DGKB: variants seen among roughly 807,000 people sequenced by gnomAD.
DGKB encodes diacylglycerol kinase beta.
Under a neutral mutation model 114.3 loss-of-function variants are expected in DGKB, and 67 were observed. The ratio of observed to expected loss-of-function variants is 0.59; its 90% CI spans 0.48 to 0.72. DGKB has a LOEUF of 0.72. Ranked by LOEUF, DGKB falls within the 30% of genes least tolerant of loss-of-function variation. The probability of loss-of-function intolerance (pLI) is 0.00; values close to 1 mark genes in which losing one functional copy is unlikely to be tolerated. For synonymous variants in DGKB, 398 were observed against 323.1 expected (o/e 1.23, Z -2.49); for missense variants, 907 against 975.2 (o/e 0.93, Z 0.93).
chr7:14,664,406 G>A (rs911688779), intron 13 of DGKB, among the ~76,000 whole-genome samples: 1 of 151,852 alleles, frequency 6.6e-6, no homozygotes, highest in Non-Finnish European at 1.5e-5. Flanking sequence ...ACACCACACT[G>A]CTAGCAAAGC....
chr7:14,443,839 C>A (rs1235190599), intron 21 of DGKB, among the ~76,000 whole-genome samples: 1 of 151,980 alleles, frequency 6.6e-6, no homozygotes, highest in African/African-American at 2.4e-5. Flanking sequence ...TTTGTAAATT[C>A]AGCAACATTT....
intron 1 of DGKB, among the ~76,000 whole-genome samples, chr7:14,852,006 T>C (rs1160641515): frequency 6.6e-6 from 1 of 152,174 alleles, no homozygotes; most frequent in Non-Finnish European, 1.5e-5. Flanking sequence ...CTATGCCCAT[T>C]CTGAATTCCT....
chr7:14,480,480 A>T (rs1584273534), intron 20 of DGKB, among the ~76,000 whole-genome samples: 1 of 152,010 alleles, frequency 6.6e-6, no homozygotes, highest in Non-Finnish European at 1.5e-5. Flanking sequence ...CTTTGGCATA[A>T]CCCCAAAGGG....
chr7:14,914,691 T>C (rs1784152970), intron 1 of DGKB, among the ~76,000 whole-genome samples: 1 of 152,082 alleles, frequency 6.6e-6, no homozygotes, highest in Admixed American at 6.5e-5. Flanking sequence ...GACACAGATT[T>C]TTAAAATTAT....
chr7:14,162,829 A>C (rs755738709), intron 25 of DGKB, among the ~76,000 whole-genome samples: 1 of 152,188 alleles, frequency 6.6e-6, no homozygotes, highest in African/African-American at 2.4e-5. Flanking sequence ...TACAAAAAGC[A>C]ATCATATCTA....
At chr7:14,600,158 G>A (rs1350544018) in intron 17 of DGKB, among the ~76,000 whole-genome samples, 1 of 152,124 alleles carries the variant, frequency 6.6e-6, no homozygotes, top group Non-Finnish European at 1.5e-5. Context: ...ACTCATGGCA[G>A]AGGGATGAAT....
intron 1 of DGKB, among the ~76,000 whole-genome samples, chr7:14,873,931 C>A (rs1464921434): frequency 6.6e-6 from 1 of 152,096 alleles, no homozygotes; most frequent in African/African-American, 2.4e-5. Context: ...TATGGAATAA[C>A]AATCTTATTA....
intron 23 of DGKB, among the ~76,000 whole-genome samples, chr7:14,196,117 G>A (rs1179250267): frequency 1.3e-5 from 2 of 152,068 alleles, no homozygotes; most frequent in Non-Finnish European, 1.5e-5. Flanking sequence ...CTGCACAACA[G>A]GAATGTCATA....
At position 14,214,912 on chromosome 7, in the gene DGKB, C is replaced by T. The variant is rs1788709488; in HGVS notation, c.2123-36761G>A. ...TAGAGTCAGAGTCACACAGTACTGTCCTGACTTCCATTCGCTCCTCCCTCC... is the reference window on the plus strand; with the variant it reads ...TAGAGTCAGAGTCACACAGTACTGTTCTGACTTCCATTCGCTCCTCCCTCC... On this transcript the variant is annotated intron_variant, in intron 23 of 25. Coordinates refer to ENST00000402815, the MANE Select transcript of DGKB (RefSeq NM_001350709.2). Among the ~76,000 whole-genome samples, 3 of 152,136 alleles carry T rather than the reference C, an allele frequency of 2.0e-5. No homozygotes were observed. The South Asian group carries it at 6.2e-4, about 31-fold the overall frequency.
intron 21 of DGKB, among the ~76,000 whole-genome samples, chr7:14,446,612 T>G (rs1584002362): frequency 6.6e-6 from 1 of 152,174 alleles, no homozygotes; most frequent in African/African-American, 2.4e-5. Flanking sequence ...AAACTCAACT[T>G]TATAAGCCAT....
intron 1 of DGKB, among the ~76,000 whole-genome samples, chr7:14,918,895 C>G (rs1784370740): frequency 1.3e-5 from 2 of 151,956 alleles, no homozygotes; most frequent in African/African-American, 4.8e-5. Flanking sequence ...AACCCCGCCT[C>G]TACTAAAAAT....
At chr7:14,771,688 A>G (rs911617524) in intron 2 of DGKB, among the ~76,000 whole-genome samples, 2 of 152,124 alleles carry the variant, frequency 1.3e-5, no homozygotes, top group African/African-American at 4.8e-5. Context: ...GGAAAAAATC[A>G]AAATATATTT....
At chr7:14,252,490 A>G (rs1046367776) in intron 23 of DGKB, among the ~76,000 whole-genome samples, 1 of 152,176 alleles carries the variant, frequency 6.6e-6, no homozygotes, top group South Asian at 2.1e-4. Context: ...AAGTCAGCCT[A>G]TCCAGAGATT....
At position 14,910,242 on chromosome 7, in the gene DGKB, A is replaced by AAAAGAAAGAAAG. The variant is rs61063816; in HGVS notation, c.-188+64442_-188+64453dup. Among the ~76,000 whole-genome samples, 126 of 110,078 alleles carry AAAAGAAAGAAAG rather than the reference A, an allele frequency of 1.1e-3. 4 individuals are homozygous for AAAAGAAAGAAAG. The highest frequency in any genetic ancestry group is 3.3e-3 in the South Asian group (10 of 3,014). The allele number at this position is 110,078 out of a possible 152,430, so 72.2% of individuals were successfully genotyped here. Reference sequence around the variant, plus strand: ...GGTGACAGAGCGAGACTCCATCAAAAAAAGAAAGAAAGAAAGAAAGAAAGA... The same window carrying AAAAGAAAGAAAG: ...GGTGACAGAGCGAGACTCCATCAAAAAAAGAAAGAAAGAAAGAAAGAAAGAAAGAAAGAAAGA... On this transcript the variant is annotated intron_variant, in intron 1 of 4. Transcript: ENST00000437998.
At chr7:14,887,825 C>G (rs1384830738) in intron 1 of DGKB, among the ~76,000 whole-genome samples, 1 of 151,676 alleles carries the variant, frequency 6.6e-6, no homozygotes, top group Non-Finnish European at 1.5e-5. Flanking sequence ...TACTTTAAAA[C>G]TGCATTTCCG....
rs1039824036 is a variant in DGKB, at chr7:14,687,510, G to C, written c.712-2148C>G. On this transcript the variant is annotated intron_variant, in intron 9 of 25. Transcript: ENST00000402815. ...TTCTAGTAGCTTTATCACGTGAATA[G>C]AATACTTTATATATTTAACTTTGCT... 5.9e-5 allele frequency among the ~76,000 whole-genome samples: 9 copies of C among 151,980 alleles called. No individual in the cohort carries two copies. The East Asian group carries it at 1.5e-3, about 26-fold the overall frequency.
intron 23 of DGKB, among the ~76,000 whole-genome samples, chr7:14,185,855 AC>A (rs1471189569): frequency 2.0e-5 from 3 of 152,208 alleles, no homozygotes; most frequent in African/African-American, 7.2e-5. Flanking sequence ...CTCACCTTAT[AC>A]AAAAATCAAT....
intron 2 of DGKB, among the ~76,000 whole-genome samples, chr7:14,769,704 G>A (rs1438910872): frequency 1.3e-5 from 2 of 151,988 alleles, no homozygotes; most frequent in African/African-American, 2.4e-5. Flanking sequence ...GTGTCAGCAG[G>A]GTTGTTTTTT....
chr7:14,600,439 C>A (rs993321106), intron 17 of DGKB, among the ~76,000 whole-genome samples: 1 of 152,098 alleles, frequency 6.6e-6, no homozygotes, highest in Non-Finnish European at 1.5e-5. Flanking sequence ...ATCCCAGGAG[C>A]CCCAAAAGTT....
Sources: allele counts gnomAD v4.1 joint callset (sites outside exome capture counted in the v4.1 genomes callset), GRCh38; gene constraint gnomAD v4.1.1; transcripts MANE v1.5; gene names NCBI Gene and HGNC (gene_info 2026-07-23, HGNC 2026-07-21).